CGGBP1: variants seen among roughly 807,000 people sequenced by gnomAD.
CGGBP1 encodes CGG triplet repeat binding protein 1.
A neutral mutation model predicts 11.4 loss-of-function variants in CGGBP1; 4 were observed. The ratio of observed to expected loss-of-function variants is 0.35; its 90% CI spans 0.17 to 0.80. The LOEUF (loss-of-function observed/expected upper bound fraction) is 0.80, where lower values mean the gene tolerates loss of function less well. Ranked by LOEUF, CGGBP1 falls within the 30% of genes least tolerant of loss-of-function variation. The pLI is 0.52. For missense variants in CGGBP1, 135 were observed against 202.1 expected, an observed-to-expected ratio of 0.67 and a Z score of 2.01; for synonymous variants, 76 against 74.1, an observed-to-expected ratio of 1.03 and a Z score of -0.13.
chr3:88,116,410 C>T (rs1559720609), intron 2 of CGGBP1, among the ~76,000 whole-genome samples: 2 of 151,856 alleles, frequency 1.3e-5, no homozygotes, highest in East Asian at 3.9e-4. Context: ...ATCCCAGCTA[C>T]TTGGGAGGCT....
At chr3:88,121,042 G>A (rs1162142346) in intron 2 of CGGBP1, among the ~76,000 whole-genome samples, 1 of 151,918 alleles carries the variant, frequency 6.6e-6, no homozygotes, top group African/African-American at 2.4e-5. Flanking sequence ...CATGGTACGT[G>A]TATACCTATG....
Position 88,052,583 on chromosome 3 carries a change from C to G in CGGBP1, c.*2890G>C, listed in dbSNP as rs1319583727. On this transcript the variant is annotated 3_prime_UTR_variant, in exon 4 of 4. Transcript: ENST00000482016. ...GAGATCTTGCCAACTGTACTTACAA[C>G]AGTTTTAAAGCAATTGATACTTTCA... 1.3e-5 allele frequency: 2 copies of G among 152,544 alleles called. No individual in the cohort carries two copies. The highest frequency in any genetic ancestry group is 4.8e-5 in the African/African-American group (2 of 41,432). The allele number at this position is 152,544 out of a possible 1,614,324, so 9.4% of individuals were successfully genotyped here.
At chr3:88,094,099 A>G (rs1417031735) in intron 2 of CGGBP1, among the ~76,000 whole-genome samples, 1 of 99,712 alleles carries the variant, frequency 1.0e-5, no homozygotes, top group Non-Finnish European at 2.2e-5. Context: ...GGAAGAGATA[A>G]TATTCTTTTT....
intron 2 of CGGBP1, among the ~76,000 whole-genome samples, chr3:88,110,427 C>A (rs1705018127): frequency 6.6e-6 from 1 of 152,020 alleles, no homozygotes; most frequent in Admixed American, 6.6e-5. Context: ...TCCAGTAATA[C>A]CTTATATATT....
rs896144569 is a variant in CGGBP1, at chr3:88,056,083, C to T, written c.-23-84G>A. 8 of 1,025,832 alleles carry T rather than the reference C, an allele frequency of 7.8e-6. No homozygotes were observed. The African/African-American group carries it at 9.7e-5, about 12-fold the overall frequency. 63.5% of individuals were successfully genotyped at this position (1,025,832 alleles called of 1,614,324 possible). ...TGAACAATAAAAGGCAGTATATAAACACTTCAAATACTTCAAAAAACTTAA... is the reference window on the plus strand; with the variant it reads ...TGAACAATAAAAGGCAGTATATAAATACTTCAAATACTTCAAAAAACTTAA... On this transcript the variant is annotated intron_variant, in intron 3 of 3. Transcript: ENST00000482016.
At chr3:88,106,636 C>T (rs536235358) in intron 2 of CGGBP1, among the ~76,000 whole-genome samples, 22 of 152,284 alleles carry the variant, frequency 1.4e-4, no homozygotes, top group Admixed American at 7.2e-4. Context: ...AGCCACTGGC[C>T]TCGGCCCTTT....
chr3:88,149,404 G>A (rs1707366841), intron 1 of CGGBP1, among the ~76,000 whole-genome samples: 1 of 152,266 alleles, frequency 6.6e-6, no homozygotes, highest in South Asian at 2.1e-4. Flanking sequence ...CCGGCAACGA[G>A]GGAAATGGAG....
upstream of CGGBP1, chr3:88,059,268 A>ACGGCGGCGG: frequency 2.0e-6 from 3 of 1,531,674 alleles, no homozygotes; most frequent in South Asian, 1.2e-5. Flanking sequence ...CTAGGCATCT[A>ACGGCGGCGG]CGGCGGCGGC....
chr3:88,137,985 C>T (rs1486426499), intron 2 of CGGBP1, among the ~76,000 whole-genome samples: 1 of 152,032 alleles, frequency 6.6e-6, no homozygotes, highest in South Asian at 2.1e-4. Flanking sequence ...ACTAGAGACA[C>T]TATTATAACT....
At chr3:88,091,215 A>G (rs938976585) in intron 2 of CGGBP1, among the ~76,000 whole-genome samples, 3 of 152,214 alleles carry the variant, frequency 2.0e-5, no homozygotes, top group Non-Finnish European at 4.4e-5. Flanking sequence ...TGACTGTACT[A>G]TGTTAGCTGC....
intron 2 of CGGBP1, among the ~76,000 whole-genome samples, chr3:88,086,568 C>G (rs1475370220): frequency 6.6e-5 from 10 of 152,078 alleles, no homozygotes; most frequent in Admixed American, 6.6e-4. Context: ...AACATGTAAC[C>G]ATAATTTTAC....
At chr3:88,118,353 C>T (rs891341105) in intron 2 of CGGBP1, among the ~76,000 whole-genome samples, 4 of 151,920 alleles carry the variant, frequency 2.6e-5, no homozygotes, top group African/African-American at 9.7e-5. Context: ...TATCTCACTG[C>T]GTAATATACC....
intron 2 of CGGBP1, among the ~76,000 whole-genome samples, chr3:88,089,862 A>G (rs1034898208): frequency 1.3e-5 from 2 of 152,208 alleles, no homozygotes; most frequent in Admixed American, 1.3e-4. Context: ...AGAATAAGTC[A>G]TGCGCTGCAT....
intron 2 of CGGBP1, among the ~76,000 whole-genome samples, chr3:88,106,407 G>A (rs987327302): frequency 4.0e-5 from 6 of 151,292 alleles, no homozygotes; most frequent in African/African-American, 1.2e-4. Flanking sequence ...GTGTGATCTC[G>A]GCTCACTGCA....
intron 1 of CGGBP1, among the ~76,000 whole-genome samples, chr3:88,146,768 CTTT>C (rs1707320583): frequency 6.6e-6 from 1 of 152,164 alleles, no homozygotes; most frequent in African/African-American, 2.4e-5. Flanking sequence ...CCATCTCATT[CTTT>C]GATTTAATCC....
intron 2 of CGGBP1, among the ~76,000 whole-genome samples, chr3:88,123,575 T>G (rs1057384968): frequency 1.3e-5 from 2 of 152,194 alleles, no homozygotes; most frequent in African/African-American, 4.8e-5. Context: ...TCAGTAGGTC[T>G]AAATTAGGTC....
chr3:88,073,188 C>T (rs1460765534), intron 2 of CGGBP1, among the ~76,000 whole-genome samples: 5 of 152,056 alleles, frequency 3.3e-5, no homozygotes, highest in African/African-American at 1.2e-4. Context: ...ATTGGCTCCA[C>T]CCAGACGTAC....
intron 2 of CGGBP1, among the ~76,000 whole-genome samples, chr3:88,075,729 A>G (rs1297864207): frequency 6.6e-6 from 1 of 152,146 alleles, no homozygotes; most frequent in Non-Finnish European, 1.5e-5. Flanking sequence ...TGAGCCTGTT[A>G]TTAAATTTGC....
intron 2 of CGGBP1, among the ~76,000 whole-genome samples, chr3:88,115,288 G>A (rs1431074638): frequency 1.3e-5 from 2 of 152,068 alleles, no homozygotes; most frequent in African/African-American, 2.4e-5. Flanking sequence ...CTTTCCCCCC[G>A]CTGTATTTCA....
Sources: gnomAD v4.1 joint callset for allele counts (sites outside exome capture counted in the v4.1 genomes callset) on GRCh38, gnomAD v4.1.1 for gene constraint, MANE v1.5 for transcripts, NCBI Gene and HGNC (gene_info 2026-07-23, HGNC 2026-07-21) for gene names.